The following SHANK2 variants were observed in gnomAD, a reference collection of about 807,000 sequenced individuals.
SHANK2 encodes the protein SH3 and multiple ankyrin repeat domains 2, also known as SH3 and multiple ankyrin repeat domains protein 2.
Under a neutral mutation model 133.7 loss-of-function variants are expected in SHANK2, and 43 were observed. The observed-to-expected ratio is 0.32, with a 90% CI of 0.25 to 0.41. The LOEUF is 0.41. SHANK2 is among the 10% of genes least tolerant of loss of function. SHANK2 has a pLI of 1.00. For synonymous variants in SHANK2, 1,017 were observed against 952.8 expected (o/e 1.07, Z -1.24); for missense variants, 1,994 against 2,235.8 (o/e 0.89, Z 2.18).
chr11:70,803,351 T>TCCCATTCATCCATCTTTCCATCCA (rs1555051021), intron 13 of SHANK2, among the ~76,000 whole-genome samples: 3 of 134,674 alleles, frequency 2.2e-5, no homozygotes, highest in East Asian at 2.3e-4. Flanking sequence ...TCCATCCATT[T>TCCCATTCATCCATCTTTCCATCCA]ACCTATCCAT....
chr11:70,856,662 G>C (rs1355971193), intron 11 of SHANK2, among the ~76,000 whole-genome samples: 1 of 152,136 alleles, frequency 6.6e-6, no homozygotes, highest in Non-Finnish European at 1.5e-5. Flanking sequence ...TTGCCTCTAG[G>C]GGGTGTGAGT....
intron 24 of SHANK2, chr11:70,489,121 AG>A (rs1330990705): frequency 3.4e-6 from 2 of 585,836 alleles, no homozygotes; most frequent in Non-Finnish European, 6.1e-6. Flanking sequence ...CCATTCGATA[AG>A]GGTATTCCAA....
chr11:70,818,904 C>T (rs957143745), intron 12 of SHANK2, among the ~76,000 whole-genome samples: 1 of 152,254 alleles, frequency 6.6e-6, no homozygotes, highest in South Asian at 2.1e-4. Flanking sequence ...CTCCTGGGAC[C>T]ACGTGAGGCA....
At chr11:70,781,558 T>TTATTTTTATATATATATATATATA (rs71049941) in intron 14 of SHANK2, among the ~76,000 whole-genome samples, 1 of 28,970 alleles carries the variant, frequency 3.5e-5, no homozygotes, top group African/African-American at 1.0e-4. Flanking sequence ...TACTTACTTA[T>TTATTTTTATATATATATATATATA]TATATATATA....
chr11:70,678,532 CTTTTT>C (rs34446408), intron 15 of SHANK2, among the ~76,000 whole-genome samples: 2 of 77,040 alleles, frequency 2.6e-5, no homozygotes, highest in East Asian at 7.4e-4. Flanking sequence ...TAAGAACAGG[CTTTTT>C]TTTTTTTTTT....
intron 2 of SHANK2, among the ~76,000 whole-genome samples, chr11:71,167,502 C>A (rs1326350526): frequency 2.9e-5 from 4 of 136,136 alleles, no homozygotes; most frequent in Admixed American, 7.0e-5. Flanking sequence ...GGCAGAGGCG[C>A]CCCTCACCTC....
chr11:71,117,859 C>T (rs1291593057), intron 4 of SHANK2, among the ~76,000 whole-genome samples: 1 of 152,126 alleles, frequency 6.6e-6, no homozygotes. Context: ...TGAGCTGCTC[C>T]AGCAAGGGAT....
intron 14 of SHANK2, among the ~76,000 whole-genome samples, chr11:70,790,429 T>C (rs1270035711): frequency 5.3e-5 from 8 of 152,236 alleles, no homozygotes; most frequent in South Asian, 2.1e-4. Flanking sequence ...GGGTATTTTG[T>C]AGATGTGGTT....
intron 17 of SHANK2, among the ~76,000 whole-genome samples, chr11:70,659,485 G>C (rs1364800687): frequency 6.6e-6 from 1 of 152,136 alleles, no homozygotes; most frequent in African/African-American, 2.4e-5. Context: ...TCCTCTTGGT[G>C]CCTATTTAGT....
intron 10 of SHANK2, among the ~76,000 whole-genome samples, chr11:70,910,063 C>A (rs1361157643): frequency 6.6e-6 from 1 of 152,210 alleles, no homozygotes; most frequent in African/African-American, 2.4e-5. Flanking sequence ...CTCTGTGTGT[C>A]TGTGTCCTCA....
chr11:70,671,882 C>T (rs1416203581), intron 15 of SHANK2, among the ~76,000 whole-genome samples: 6 of 152,100 alleles, frequency 3.9e-5, no homozygotes, highest in Non-Finnish European at 8.8e-5. Context: ...GAGGAGCTGT[C>T]CTGAAGTGAG....
Position 70,804,982 on chromosome 11 carries a change from G to T in SHANK2, c.1663+2020C>A. Among the ~76,000 whole-genome samples, 1 of 152,202 alleles carries T rather than the reference G, an allele frequency of 6.6e-6. No homozygotes were observed. The highest frequency in any genetic ancestry group is 1.9e-4 in the East Asian group (1 of 5,192). Reference sequence around the variant, plus strand: ...GCCTCTGCTCTATGTCTAAGGGACTGGGGACATGTGCCAAGTTCACAGCAT... The same window carrying T: ...GCCTCTGCTCTATGTCTAAGGGACTTGGGACATGTGCCAAGTTCACAGCAT... On this transcript the variant is annotated intron_variant, in intron 13 of 25. Coordinates refer to ENST00000601538, the MANE Select transcript of SHANK2 (RefSeq NM_012309.5). This position sits in a 1 kb window ranked among gnomAD's most constrained non-coding sequence, Gnocchi z 4.1.
At position 71,145,202 on chromosome 11, in the gene SHANK2, C is replaced by T. The variant is rs376451771; in HGVS notation, c.207+1918G>A. 4.7e-4 allele frequency among the ~76,000 whole-genome samples: 71 copies of T among 152,244 alleles called. No homozygotes were observed. In the South Asian group the frequency reaches 0.013, roughly 29 times the overall value. ...AGGCCACCCTGAGCCTCCCCCACAA[C>T]GGGTGTCTAATCTTTTGGCTTCTCT... On this transcript the variant is annotated intron_variant, in intron 3 of 25. Coordinates refer to ENST00000601538, the MANE Select transcript of SHANK2 (RefSeq NM_012309.5).
chr11:70,504,801 G>A (rs144199408), intron 17 of SHANK2, among the ~76,000 whole-genome samples: 72 of 152,238 alleles, frequency 4.7e-4, no homozygotes, highest in Non-Finnish European at 8.2e-4. Flanking sequence ...GGGAGTTCTC[G>A]GAGGGCAGAC....
In SHANK2 at chr11:71,181,421, G is replaced by A. The variant is rs114371604; in HGVS notation, c.-12-34083C>T. On this transcript the variant is annotated intron_variant, in intron 2 of 25. Coordinates refer to ENST00000601538, the MANE Select transcript of SHANK2 (RefSeq NM_012309.5). Reference sequence around the variant, plus strand: ...GGGAGGGCTAGACAGGAGGATCGCCGGAGCCCAGGAGTTCAGGGCCAATTT... The same window carrying A: ...GGGAGGGCTAGACAGGAGGATCGCCAGAGCCCAGGAGTTCAGGGCCAATTT... 5.1e-3 allele frequency among the ~76,000 whole-genome samples: 777 copies of A among 152,154 alleles called. 13 individuals are homozygous for A. The highest frequency in any genetic ancestry group is 0.017 in the African/African-American group (702 of 41,498).
At chr11:71,198,793 G>T (rs1301994779) in intron 2 of SHANK2, among the ~76,000 whole-genome samples, 5 of 152,240 alleles carry the variant, frequency 3.3e-5, no homozygotes, top group African/African-American at 1.2e-4. Flanking sequence ...AAGTGAGGTT[G>T]TGAGGCGGCG....
Position 70,786,182 on chromosome 11 carries a change from C to T in SHANK2, c.1777+12261G>A, listed in dbSNP as rs868975313. On this transcript the variant is annotated intron_variant, in intron 14 of 25. Coordinates refer to ENST00000601538, the MANE Select transcript of SHANK2 (RefSeq NM_012309.5). ...CGGGGCAATAAAGTGGAATTATGAC[C>T]TTTGCACCTGTCCTTTGCTTCTGTG... Among the ~76,000 whole-genome samples the T allele has an allele frequency of 2.8e-4, 43 of 152,298 alleles. No homozygotes were observed. The Middle Eastern group carries it at 0.017, about 60-fold the overall frequency.
Position 70,483,692 on chromosome 11 carries a change from C to T in SHANK2, c.4979+1622G>A, listed in dbSNP as rs569455011. On this transcript the variant is annotated intron_variant, in intron 25 of 25. Transcript: ENST00000601538. ...GAGCCGTGATCACGTCACAGCACTC[C>T]AGCCTGAGCGGCAAAGCAACACCCT... Among the ~76,000 whole-genome samples the T allele has an allele frequency of 3.9e-5, 6 of 152,316 alleles. No individual in the cohort carries two copies. The East Asian group carries it at 1.2e-3, about 29-fold the overall frequency.
At chr11:71,236,143 T>C (rs552400215) in intron 1 of SHANK2, among the ~76,000 whole-genome samples, 4 of 152,232 alleles carry the variant, frequency 2.6e-5, no homozygotes, top group South Asian at 2.1e-4. Context: ...TCACCATCCA[T>C]AGAACACTCC....
Sources: allele counts gnomAD v4.1 joint callset (sites outside exome capture counted in the v4.1 genomes callset), GRCh38; gene constraint gnomAD v4.1.1; non-coding constraint Gnocchi (gnomAD v3.1); transcripts MANE v1.5; gene names NCBI Gene and HGNC (gene_info 2026-07-23, HGNC 2026-07-21).